Variants in RAPGEF4 observed in about 807,000 individuals in gnomAD.
The protein encoded by RAPGEF4 is RAP guanine-nucleotide-exchange factor (GEF) 4.
RAPGEF4 carries 66 observed loss-of-function variants against 147.9 expected under a neutral mutation model. The ratio of observed to expected loss-of-function variants is 0.45; its 90% confidence interval spans 0.37 to 0.55. The LOEUF is 0.55. Among genes scored for constraint, RAPGEF4 ranks in the 20% least tolerant of loss-of-function variants. The pLI, the probability that RAPGEF4 is intolerant of heterozygous loss-of-function variation, is 0.00. For missense variants in RAPGEF4, 1,071 were observed against 1,257.3 expected (o/e 0.85, Z 2.24); for synonymous variants, 419 against 442.7 (o/e 0.95, Z 0.67).
At chr2:172,793,309 AT>A (rs1293684492) in intron 1 of RAPGEF4, among the ~76,000 whole-genome samples, 1 of 152,178 alleles carries the variant, frequency 6.6e-6, no homozygotes, top group African/African-American at 2.4e-5. Context: ...AGAAGATTAC[AT>A]GCACAGGTGC....
At chr2:172,850,639 T>C (rs1190380404) in intron 4 of RAPGEF4, among the ~76,000 whole-genome samples, 4 of 151,994 alleles carry the variant, frequency 2.6e-5, no homozygotes, top group Non-Finnish European at 5.9e-5. Context: ...AATTAACAGA[T>C]ATTATTTAAA....
At chr2:172,941,368 A>G (rs1687132392) in intron 6 of RAPGEF4, among the ~76,000 whole-genome samples, 1 of 152,194 alleles carries the variant, frequency 6.6e-6, no homozygotes, top group South Asian at 2.1e-4. Context: ...ATTCTGGTGC[A>G]GCGTCATTTA....
chr2:172,846,352 C>A (rs1692189751), intron 4 of RAPGEF4, among the ~76,000 whole-genome samples: 1 of 152,210 alleles, frequency 6.6e-6, no homozygotes, highest in Admixed American at 6.5e-5. Context: ...TGTCGTCTTG[C>A]ATCTGGCTCC....
In RAPGEF4 at chr2:172,922,287, C is replaced by T; in HGVS notation, c.524C>T (p.Pro175Leu). Residue 175 changes from proline (P) to leucine (L), a missense_variant, in exon 6 of 31, where the codon CCT becomes CTT. Pro to Leu is a moderately conservative substitution (Grantham distance 98). Coordinates refer to ENST00000397081, the MANE Select transcript of RAPGEF4 (RefSeq NM_007023.4). The stretch of plus-strand genomic sequence containing the variant: ...TCTCTTTTTCCTCCTTTAGGGATTC[C>T]TGACAAGGAGAACGTGAGTAGCTAC... Reference protein sequence around the residue: ...METGSNNDRIPDKENTPLIEP... With the variant: ...METGSNNDRILDKENTPLIEP... The T allele has an allele frequency of 6.2e-7, 1 of 1,607,094 alleles. No individual in the cohort carries two copies. The highest frequency in any genetic ancestry group is 8.5e-7 in the Non-Finnish European group (1 of 1,173,724).
At chr2:172,841,720 C>T (rs1042724813) in intron 4 of RAPGEF4, among the ~76,000 whole-genome samples, 2 of 151,540 alleles carry the variant, frequency 1.3e-5, no homozygotes, top group Non-Finnish European at 2.9e-5. Context: ...TCAAAATGGC[C>T]GTTTAGGATT....
intron 4 of RAPGEF4, among the ~76,000 whole-genome samples, chr2:172,822,597 T>C (rs1574950212): frequency 6.6e-6 from 1 of 152,254 alleles, no homozygotes; most frequent in East Asian, 1.9e-4. Flanking sequence ...CCAGATGCTG[T>C]ATGGTGGGCC....
At chr2:172,903,261 C>T (rs1699264713) in intron 4 of RAPGEF4, among the ~76,000 whole-genome samples, 3 of 150,108 alleles carry the variant, frequency 2.0e-5, no homozygotes, top group Non-Finnish European at 2.9e-5. Flanking sequence ...CCCAGCTACT[C>T]AGGAGGCTGA....
intron 4 of RAPGEF4, among the ~76,000 whole-genome samples, chr2:172,892,879 A>G (rs1252455655): frequency 1.3e-5 from 2 of 152,218 alleles, no homozygotes; most frequent in Admixed American, 6.5e-5. Context: ...GCTAGCATGC[A>G]TATATGGCAG....
rs565541352 is a variant in RAPGEF4 at position 173,052,766 on chromosome 2, G to A, written c.*999G>A. The A allele has an allele frequency of 3.3e-5, 5 of 152,396 alleles. No individual in the cohort carries two copies. The highest frequency in any genetic ancestry group is 2.1e-4 in the South Asian group (1 of 4,824). The allele number at this position is 152,396 out of a possible 1,614,324, so 9.4% of individuals were successfully genotyped here. On this transcript the variant is annotated 3_prime_UTR_variant, in exon 31 of 31. Transcript: ENST00000397081. ...ACTTTTTATTTATTTTATTTAGTAC[G>A]TAATTTTGAAGTACATTTTTTCCTG...
At chr2:172,800,907 A>G (rs548788643) in intron 3 of RAPGEF4, among the ~76,000 whole-genome samples, 4 of 152,318 alleles carry the variant, frequency 2.6e-5, no homozygotes, top group South Asian at 2.1e-4. Context: ...ACAATTAACC[A>G]TAATAGACCC....
chr2:172,844,506 T>G (rs1691958980), intron 4 of RAPGEF4, among the ~76,000 whole-genome samples: 1 of 152,172 alleles, frequency 6.6e-6, no homozygotes, highest in African/African-American at 2.4e-5. Flanking sequence ...CTTCCTCTCC[T>G]CCTTACAGTG....
chr2:172,925,701 T>C lies in RAPGEF4; in HGVS notation c.537+3401T>C, dbSNP rs368693211. Among the ~76,000 whole-genome samples the C allele has an allele frequency of 3.4e-5, 5 of 148,830 alleles. No individual in the cohort carries two copies. The East Asian group carries it at 5.9e-4, about 18-fold the overall frequency. ...GAGGCTACAGTGAGCCATAATTGTATCACTAGACAATCTATCCTGGGCAAC... is the reference window on the plus strand; with the variant it reads ...GAGGCTACAGTGAGCCATAATTGTACCACTAGACAATCTATCCTGGGCAAC... On this transcript the variant is annotated intron_variant, in intron 6 of 30. Coordinates refer to ENST00000397081, the MANE Select transcript of RAPGEF4 (RefSeq NM_007023.4).
At chr2:172,852,341 A>G (rs536137442) in intron 4 of RAPGEF4, among the ~76,000 whole-genome samples, 88 of 152,278 alleles carry the variant, frequency 5.8e-4, no homozygotes, top group African/African-American at 1.8e-3. Context: ...ATGAATTGTC[A>G]ATTTTGATGA....
At chr2:172,911,476 G>A (rs983817234) in intron 4 of RAPGEF4, among the ~76,000 whole-genome samples, 1 of 150,724 alleles carries the variant, frequency 6.6e-6, no homozygotes, top group African/African-American at 2.4e-5. Flanking sequence ...TTGTTTTTTT[G>A]GAGACAGAGT....
chr2:172,962,118 A>G (rs1336192110), intron 8 of RAPGEF4, among the ~76,000 whole-genome samples: 1 of 152,224 alleles, frequency 6.6e-6, no homozygotes. Context: ...TTCAGAATTC[A>G]GCAACTTTTG....
intron 12 of RAPGEF4, 34 bp from the exon 13 acceptor site, chr2:172,988,162 C>G: frequency 6.3e-7 from 1 of 1,577,594 alleles, no homozygotes; most frequent in Non-Finnish European, 8.5e-7. Flanking sequence ...TGCTTCTATT[C>G]TTATCATAAG....
At chr2:172,989,908 G>T (rs1692655497) in intron 14 of RAPGEF4, among the ~76,000 whole-genome samples, 1 of 151,732 alleles carries the variant, frequency 6.6e-6, no homozygotes, top group Admixed American at 6.6e-5. Flanking sequence ...ACAATGTCAT[G>T]CTCCTGCCCT....
chr2:173,017,223 C>T lies in RAPGEF4; in HGVS notation c.1929+19C>T. On this transcript the variant is annotated intron_variant, in intron 20 of 30. Transcript: ENST00000397081. ...AAAGAAGGTAGGTGGCATGAACTTG[C>T]ATTCTCTGTCTGTGTCCTGTAGAAT... is the stretch of plus-strand genomic sequence containing the variant. The T allele has an allele frequency of 6.2e-7, 1 of 1,608,410 alleles. No homozygotes were observed.
intron 15 of RAPGEF4, among the ~76,000 whole-genome samples, chr2:172,991,349 C>A (rs946625485): frequency 1.3e-5 from 2 of 152,156 alleles, no homozygotes; most frequent in African/African-American, 4.8e-5. Flanking sequence ...TCAGAATGAG[C>A]GTCTTTGATG....
Sources: allele counts gnomAD v4.1 joint callset (sites outside exome capture counted in the v4.1 genomes callset), GRCh38; gene constraint gnomAD v4.1.1; transcripts MANE v1.5; gene names NCBI Gene and HGNC (gene_info 2026-07-23, HGNC 2026-07-21).